The following EYS variants were observed in gnomAD, a reference collection of about 807,000 sequenced individuals.
EYS encodes the protein protein eyes shut homolog.
EYS carries 250 observed loss-of-function variants against 282.1 expected under a neutral mutation model. That is an observed-to-expected ratio of 0.89 (90% CI 0.80 to 0.98). The LOEUF is 0.98. Among genes scored for constraint, EYS ranks in the 50% least tolerant of loss-of-function variants. EYS has a pLI of 0.00. For missense variants in EYS, 4,016 were observed against 3,709.0 expected (o/e 1.08, Z -2.15); for synonymous variants, 1,355 against 1,282.9 (o/e 1.06, Z -1.20).
intron 22 of EYS, among the ~76,000 whole-genome samples, chr6:64,711,286 T>C (rs532281424): frequency 6.6e-6 from 1 of 152,286 alleles, no homozygotes; most frequent in East Asian, 1.9e-4. Context: ...AAATAGAAAA[T>C]ATATCTTTGT....
chr6:65,008,200 C>T (rs758350747), intron 13 of EYS, among the ~76,000 whole-genome samples: 5 of 152,022 alleles, frequency 3.3e-5, no homozygotes, highest in Admixed American at 6.6e-5. Flanking sequence ...CACTATAACA[C>T]GGGGAAAGGA....
At chr6:65,676,160 A>G (rs1335273040) in intron 1 of EYS, among the ~76,000 whole-genome samples, 1 of 151,854 alleles carries the variant, frequency 6.6e-6, no homozygotes, top group Non-Finnish European at 1.5e-5. Flanking sequence ...ACCTAACTTT[A>G]TACCATAAGA....
chr6:64,421,494 C>G (rs1403091721), intron 28 of EYS, among the ~76,000 whole-genome samples: 2 of 152,034 alleles, frequency 1.3e-5, no homozygotes, highest in East Asian at 3.9e-4. Context: ...CTTAAATTAT[C>G]AAGCAGAAAT....
chr6:64,197,641 T>C (rs1013746479), intron 31 of EYS, among the ~76,000 whole-genome samples: 8 of 152,088 alleles, frequency 5.3e-5, no homozygotes, highest in Admixed American at 2.0e-4. Context: ...TATTTTTTTA[T>C]TTTTTAGTGC....
intron 8 of EYS, among the ~76,000 whole-genome samples, chr6:65,375,954 C>T (rs1482830267): frequency 6.6e-6 from 1 of 152,012 alleles, no homozygotes; most frequent in Non-Finnish European, 1.5e-5. Context: ...GAAAACACTT[C>T]AGGATATTAT....
In EYS at chr6:65,120,460, C is replaced by CAAAAAAAAAAAAAAAAAAAAAAAA. The variant is rs67505285; in HGVS notation, c.2024-62757_2024-62734dup. Reference sequence around the variant, plus strand: ...ACATTACTCTTTTTCTTTAAATAAGCAAAAAAAAAAAAAAAAAAAAAAAAT... The same window carrying CAAAAAAAAAAAAAAAAAAAAAAAA: ...ACATTACTCTTTTTCTTTAAATAAGCAAAAAAAAAAAAAAAAAAAAAAAAAAAAAAAAAAAAAAAAAAAAAAAAT... On this transcript the variant is annotated intron_variant, in intron 12 of 42. Coordinates refer to ENST00000503581, the MANE Select transcript of EYS (RefSeq NM_001142800.2). 1.5e-3 allele frequency among the ~76,000 whole-genome samples: 99 copies of CAAAAAAAAAAAAAAAAAAAAAAAA among 68,248 alleles called. 4 individuals are homozygous for CAAAAAAAAAAAAAAAAAAAAAAAA. Among genetic ancestry groups the CAAAAAAAAAAAAAAAAAAAAAAAA allele is most frequent in the Non-Finnish European group, 1.6e-3 (60 of 36,418 alleles). The allele number at this position is 68,248 out of a possible 152,430, so 44.8% of individuals were successfully genotyped here. A position where few individuals can be genotyped will look rare whatever the true frequency, so the allele number is the denominator to read the frequency against.
intron 13 of EYS, among the ~76,000 whole-genome samples, chr6:65,029,464 T>C (rs1280821219): frequency 6.6e-6 from 1 of 152,138 alleles, no homozygotes; most frequent in Non-Finnish European, 1.5e-5. Flanking sequence ...CATTGACCCT[T>C]GAACAGCATA....
At chr6:65,238,693 C>G (rs1170370931) in intron 12 of EYS, among the ~76,000 whole-genome samples, 1 of 151,930 alleles carries the variant, frequency 6.6e-6, no homozygotes, top group African/African-American at 2.4e-5. Context: ...GAACTCCTCT[C>G]AAAAGAAAAT....
chr6:64,994,444 T>A (rs879918045), intron 14 of EYS, among the ~76,000 whole-genome samples: 4 of 152,114 alleles, frequency 2.6e-5, no homozygotes, highest in Non-Finnish European at 5.9e-5. Context: ...AAGCCACATG[T>A]CAGTGGGATT....
At chr6:63,919,311 A>G (rs1581976130) in intron 35 of EYS, among the ~76,000 whole-genome samples, 1 of 78,168 alleles carries the variant, frequency 1.3e-5, no homozygotes, top group Non-Finnish European at 2.4e-5. Flanking sequence ...AAGGGAACAG[A>G]CTTTTTTTTT....
At chr6:64,831,997 C>A (rs1451228124) in intron 19 of EYS, among the ~76,000 whole-genome samples, 1 of 151,746 alleles carries the variant, frequency 6.6e-6, no homozygotes, top group African/African-American at 2.4e-5. Context: ...TGAAGAGATG[C>A]AGAATATCTC....
intron 42 of EYS, among the ~76,000 whole-genome samples, chr6:63,725,660 G>T (rs865798243): frequency 2.0e-5 from 3 of 151,982 alleles, no homozygotes; most frequent in Admixed American, 6.5e-5. Context: ...TATTTTGAGG[G>T]TATTTCAGAA....
intron 31 of EYS, among the ~76,000 whole-genome samples, chr6:64,124,648 G>A (rs2150276437): frequency 6.6e-6 from 1 of 152,312 alleles, no homozygotes; most frequent in East Asian, 1.9e-4. Context: ...GCAGCTTGTT[G>A]TAGAGCATGG....
intron 26 of EYS, among the ~76,000 whole-genome samples, chr6:64,509,514 T>C (rs1777316634): frequency 6.6e-6 from 1 of 152,200 alleles, no homozygotes; most frequent in South Asian, 2.1e-4. Context: ...AAACTTCAAA[T>C]GTATTCAATG....
intron 26 of EYS, among the ~76,000 whole-genome samples, chr6:64,489,275 T>C (rs1395265989): frequency 6.6e-6 from 1 of 150,796 alleles, no homozygotes; most frequent in African/African-American, 2.4e-5. Context: ...AAAATACTTT[T>C]TGCTAAGTGG....
At chr6:64,974,995 G>T (rs1406350793) in intron 14 of EYS, among the ~76,000 whole-genome samples, 1 of 151,606 alleles carries the variant, frequency 6.6e-6, no homozygotes, top group Non-Finnish European at 1.5e-5. Context: ...TAAATTTAAT[G>T]GAAACCAGAG....
At chr6:64,978,928 A>G (rs1770561872) in intron 14 of EYS, among the ~76,000 whole-genome samples, 2 of 151,894 alleles carry the variant, frequency 1.3e-5, no homozygotes. Flanking sequence ...ATGGATGAGC[A>G]AAGAAAGCGG....
Position 64,638,370 on chromosome 6 carries a change from A to T in EYS, c.3444-12125T>A, listed in dbSNP as rs1768039781. 5.5e-5 allele frequency among the ~76,000 whole-genome samples: 5 copies of T among 91,386 alleles called. 2 individuals are homozygous for T. The Admixed American group carries it at 5.9e-4, about 11-fold the overall frequency. 60.0% of individuals were successfully genotyped at this position (91,386 alleles called of 152,430 possible). On this transcript the variant is annotated intron_variant, in intron 22 of 42. Coordinates refer to ENST00000503581, the MANE Select transcript of EYS (RefSeq NM_001142800.2). ...TCTCTATTAAATCTAAAATAGTGAG[A>T]ATATGAATTGTATTTACAATAGAAT...
intron 5 of EYS, among the ~76,000 whole-genome samples, chr6:65,448,423 CTG>C (rs1764275681): frequency 2.0e-5 from 3 of 151,772 alleles, no homozygotes; most frequent in Non-Finnish European, 4.4e-5. Flanking sequence ...ATTCTTAAAA[CTG>C]TGAAAAGTTT....
Sources: allele counts gnomAD v4.1 joint callset (sites outside exome capture counted in the v4.1 genomes callset), GRCh38; gene constraint gnomAD v4.1.1; transcripts MANE v1.5; gene names NCBI Gene and HGNC (gene_info 2026-07-23, HGNC 2026-07-21).